The following SPSB3 variants were observed in gnomAD, a reference collection of about 807,000 sequenced individuals.
SPSB3 encodes splA/ryanodine receptor domain and SOCS box containing 3.
Under a neutral mutation model 29.5 loss-of-function variants are expected in SPSB3, and 18 were observed. The observed-to-expected ratio is 0.61, with a 90% CI of 0.42 to 0.91. The LOEUF is 0.91. SPSB3 is among the 40% of genes least tolerant of loss of function. The probability of loss-of-function intolerance (pLI) is 0.00; values close to 1 mark genes in which losing one functional copy is unlikely to be tolerated. For synonymous variants in SPSB3, 299 were observed against 214.1 expected, an observed-to-expected ratio of 1.40 and a Z score of -3.46; for missense variants, 540 against 507.5, an observed-to-expected ratio of 1.06 and a Z score of -0.61.
intron 2 of SPSB3, chr16:1,780,875 G>A (rs181888547): frequency 1.5e-4 from 48 of 329,864 alleles, no homozygotes; most frequent in African/African-American, 1.0e-3. Flanking sequence ...TGGGACTACA[G>A]GCACGTGCCA....
Position 1,777,931 on chromosome 16 carries a change from C to G in SPSB3, c.595+15G>C, listed in dbSNP as rs369708885. The G allele has an allele frequency of 7.4e-6, 12 of 1,612,326 alleles. No individual in the cohort carries two copies. The highest frequency in any genetic ancestry group is 2.7e-5 in the African/African-American group (2 of 74,918). On this transcript the variant is annotated intron_variant, in intron 5 of 6. Coordinates refer to ENST00000566339, the MANE Select transcript of SPSB3 (RefSeq NM_080861.4). ...GCTCCAGGCTCGGCCCCGCCCCACC[C>G]TGGGCCTCACGCACCCGTGTAGGAG...
In SPSB3 at chr16:1,778,133, C is replaced by A. The variant is rs1418149651; in HGVS notation, c.492+1G>T. The A allele has an allele frequency of 1.2e-6, 2 of 1,612,728 alleles. No individual in the cohort carries two copies. The highest frequency in any genetic ancestry group is 1.1e-5 in the South Asian group (1 of 91,066). ...AAGCACCCTGGGCCGAAGCAACTTA[C>A]CATGTCGGTGCCGTAGACGGGAGAG... On this transcript the variant is annotated splice_donor_variant, in intron 4 of 6. Transcript: ENST00000566339. LOFTEE classifies it high-confidence loss of function.
At position 1,778,114 on chromosome 16, in the gene SPSB3, C is replaced by T. The variant is rs760144688; in HGVS notation, c.492+20G>A. 3.7e-6 allele frequency: 6 copies of T among 1,612,748 alleles called. No homozygotes were observed. The African/African-American group carries it at 5.3e-5, about 14-fold the overall frequency. ...CCGGAGCCAGGTTCCCCAGAAGCAC[C>T]CTGGGCCGAAGCAACTTACCATGTC... is the stretch of plus-strand genomic sequence containing the variant. On this transcript the variant is annotated intron_variant, in intron 4 of 6. Transcript: ENST00000566339.
At chr16:1,780,318 G>C (rs1175303257) in intron 2 of SPSB3, 1 of 152,412 alleles carries the variant, frequency 6.6e-6, no homozygotes, top group African/African-American at 2.4e-5. Flanking sequence ...TCTGGTCCGA[G>C]GGAGATCTCA....
intron 1 of SPSB3, chr16:1,782,082 G>A (rs1212905587): frequency 6.4e-6 from 1 of 156,222 alleles, no homozygotes; most frequent in Non-Finnish European, 1.4e-5. Context: ...AGGCTGCGAG[G>A]GCCAGGTCTG....
At position 1,777,413 on chromosome 16, in the gene SPSB3, C is replaced by A. The variant is rs748724962; in HGVS notation, c.752G>T (p.Arg251Ile). The A allele has an allele frequency of 6.4e-6, 10 of 1,559,216 alleles. No homozygotes were observed. In the South Asian group the frequency reaches 1.0e-4, roughly 16 times the overall value. ...GVAATKLQNKRFYPMVCSTAA... is the reference protein window; with the variant it reads ...GVAATKLQNKIFYPMVCSTAA... ...CGTGGAGCACACCATCGGGTAGAAT[C>A]TCTTGTTCTGCAGCTTGGTGGCTGC... Residue 251 changes from arginine (R) to isoleucine (I), a missense_variant, in exon 7 of 7, where the codon AGA becomes ATA. Coordinates refer to ENST00000566339, the MANE Select transcript of SPSB3 (RefSeq NM_080861.4).
Position 1,778,629 on chromosome 16 carries a change from G to A in SPSB3, c.127-17C>T, listed in dbSNP as rs566677775. 2.2e-4 allele frequency: 331 copies of A among 1,532,666 alleles called. 1 individual carries two copies. In the South Asian group the frequency reaches 3.4e-3, roughly 16 times the overall value. The allele number at this position is 1,532,666 out of a possible 1,614,324, so 94.9% of individuals were successfully genotyped here. ...GTCGCTGTGCTGGGAGAGAAGGGCC[G>A]GCTGTTACTACCTGTTGCCCGCTCT... On this transcript the variant is annotated splice_polypyrimidine_tract_variant and intron_variant, in intron 2 of 6. Coordinates refer to ENST00000566339, the MANE Select transcript of SPSB3 (RefSeq NM_080861.4).
chr16:1,777,845 G>C lies in SPSB3; in HGVS notation c.623C>G (p.Thr208Ser). The change falls in exon 6 of 7, where the codon ACC (threonine) becomes AGC (serine). Residue 208 changes from threonine to serine, a missense_variant. Thr to Ser is a moderately conservative substitution (Grantham distance 58). Transcript: ENST00000566339. ...TGLLHHKGDK[T>S]SFSSRFGQGS... is the part of the protein sequence containing the mutation. ...CTGGCCGAACCGCGATGAGAAGCTG[G>C]TCTTGTCGCCCTTGTGGTGGAGGAG... The C allele has an allele frequency of 6.2e-7, 1 of 1,612,794 alleles. No homozygotes were observed.
Position 1,781,394 on chromosome 16 carries a change from T to C in SPSB3, c.90A>G (p.Ala30=), listed in dbSNP as rs36081450. 2 of 1,612,740 alleles carry C rather than the reference T, an allele frequency of 1.2e-6. No homozygotes were observed. The highest frequency in any genetic ancestry group is 1.7e-5 in the Admixed American group (1 of 59,986). Reference sequence around the variant, plus strand: ...AGTCGTAGCCCCAGTTAGTGGAGCCTGCTAGAGCCACGGCCCGGGCATCTG... The same window carrying C: ...AGTCGTAGCCCCAGTTAGTGGAGCCCGCTAGAGCCACGGCCCGGGCATCTG... ...RDADARAVAL[A]GSTNWGYDSD... Residue 30 remains alanine (A), a synonymous_variant, in exon 2 of 7, where the codon GCA becomes GCG. Transcript: ENST00000566339.
chr16:1,781,533 A>C, intron 1 of SPSB3, 38 bp from the exon 2 acceptor site: 13 of 1,594,692 alleles, frequency 8.2e-6, no homozygotes, highest in South Asian at 1.1e-5. Flanking sequence ...AGGAAGACTC[A>C]CAGCACTCCC....
In SPSB3 at chr16:1,778,114, C is replaced by G. The variant is rs760144688; in HGVS notation, c.492+20G>C. The G allele has an allele frequency of 3.1e-6, 5 of 1,612,866 alleles. No homozygotes were observed. The South Asian group carries it at 4.4e-5, about 14-fold the overall frequency. On this transcript the variant is annotated intron_variant, in intron 4 of 6. Transcript: ENST00000566339. ...CCGGAGCCAGGTTCCCCAGAAGCAC[C>G]CTGGGCCGAAGCAACTTACCATGTC...
At chr16:1,781,264 C>T (rs536744252) in intron 2 of SPSB3, 94 bp downstream of exon 2, 109 of 1,608,454 alleles carry the variant, frequency 6.8e-5, no homozygotes, top group African/African-American at 6.7e-5. Context: ...TCTTTTTCTC[C>T]GACTGATTCC....
intron 3 of SPSB3, 25 bp downstream of exon 3, chr16:1,778,409 CA>C: frequency 6.2e-7 from 1 of 1,605,868 alleles, no homozygotes; most frequent in Admixed American, 1.7e-5. Context: ...AGTGCAGTCC[CA>C]GCAGGGGCTG....
chr16:1,777,729 G>A lies in SPSB3; in HGVS notation c.721+18C>T. 4 of 1,610,576 alleles carry A rather than the reference G, an allele frequency of 2.5e-6. No homozygotes were observed. Among genetic ancestry groups the A allele is most frequent in the Non-Finnish European group, 2.5e-6 (3 of 1,178,936 alleles). On this transcript the variant is annotated intron_variant, in intron 6 of 6. Transcript: ENST00000566339. ...GGGGTGACAGCTGAGAGGAGCTCAA[G>A]TCCTGTGACGGCCTCACCTATACAC...
In SPSB3 at chr16:1,778,056, CAG is replaced by C. The variant is rs113823403; in HGVS notation, c.493-10_493-9del. ...CGTCCCGATGCCCACCATCTAGGAA[CAG>C]GGGCCAGGCAGAGGGCGCGGGGCTG... On this transcript the variant is annotated splice_polypyrimidine_tract_variant and intron_variant, in intron 4 of 6. Transcript: ENST00000566339. 178 of 1,613,164 alleles carry C rather than the reference CAG, an allele frequency of 1.1e-4. 1 individual carries two copies. The Middle Eastern group carries it at 1.3e-3, about 12-fold the overall frequency.
intron 2 of SPSB3, chr16:1,780,730 T>C: frequency 6.1e-6 from 1 of 163,064 alleles, no homozygotes; most frequent in South Asian, 1.4e-4. Flanking sequence ...ACCAAAGAAT[T>C]TTTTTGTTTT....
intron 1 of SPSB3, 52 bp from the exon 2 acceptor site, chr16:1,781,547 C>T: frequency 1.3e-6 from 2 of 1,575,274 alleles, no homozygotes; most frequent in South Asian, 1.2e-5. Context: ...CACTCCCAGC[C>T]CTGAGCTTCC....
At position 1,781,377 on chromosome 16, in the gene SPSB3, C is replaced by T. The variant is rs754935596; in HGVS notation, c.107G>A (p.Gly36Asp). 17 of 1,612,798 alleles carry T rather than the reference C, an allele frequency of 1.1e-5. No individual in the cohort carries two copies. The highest frequency in any genetic ancestry group is 1.6e-4 in the Middle Eastern group (1 of 6,084). ...ACCTACCTGCCCATCAGAGTCGTAG[C>T]CCCAGTTAGTGGAGCCTGCTAGAGC... ...AVALAGSTNW[G>D]YDSDGQHSDS... Residue 36 changes from glycine (G) to aspartate (D), a missense_variant, in exon 2 of 7, where the codon GGC becomes GAC. Transcript: ENST00000566339.
intron 2 of SPSB3, 115 bp downstream of exon 2, chr16:1,781,243 C>T (rs1896696580): frequency 2.5e-6 from 4 of 1,599,480 alleles, no homozygotes; most frequent in African/African-American, 2.7e-5. Context: ...GGTCCTCTAG[C>T]CTCAGAAGCA....
Sources: gnomAD v4.1 joint callset for allele counts on GRCh38, gnomAD v4.1.1 for gene constraint, MANE v1.5 for transcripts, NCBI Gene and HGNC (gene_info 2026-07-23, HGNC 2026-07-21) for gene names.